The following ERN1 variants were observed in gnomAD, a reference collection of about 807,000 sequenced individuals.
ERN1 encodes the protein serine/threonine-protein kinase/endoribonuclease IRE1.
Under a neutral mutation model 113.1 loss-of-function variants are expected in ERN1, and 39 were observed. The observed-to-expected ratio is 0.34, with a 90% confidence interval of 0.27 to 0.45. The LOEUF (loss-of-function observed/expected upper bound fraction) is 0.45. ERN1 is among the 20% of genes least tolerant of loss of function. The pLI, the probability that ERN1 is intolerant of heterozygous loss-of-function variation, is 1.00. For synonymous variants in ERN1, 507 were observed against 515.9 expected (o/e 0.98, Z 0.23); for missense variants, 976 against 1,274.8 (o/e 0.77, Z 3.57).
At chr17:64,087,981 T>A (rs1913982830) in intron 2 of ERN1, among the ~76,000 whole-genome samples, 1 of 152,214 alleles carries the variant, frequency 6.6e-6, no homozygotes. Flanking sequence ...ATGTCTTTGA[T>A]GCAATCAACC....
rs1914280896 is a variant in ERN1, at chr17:64,098,195, A to G, written c.101T>C (p.Phe34Ser). ...STVTLPETLL[F>S]VSTLDGSLHA... ...CAAACTTCCATCCAGCGTTGACACA[A>G]ACAACAAGGTTTCAGGAAGCGTCAC... The change falls in exon 2 of 22, where the codon TTT (phenylalanine) becomes TCT (serine). Residue 34 changes from phenylalanine (F) to serine (S), a missense_variant. Phe to Ser is a radical substitution (Grantham distance 155). Transcript: ENST00000433197. 1.2e-6 allele frequency: 2 copies of G among 1,613,766 alleles called. No homozygotes were observed. The highest frequency in any genetic ancestry group is 3.3e-5 in the Admixed American group (2 of 59,998).
chr17:64,080,639 G>C, intron 3 of ERN1, 136 bp downstream of exon 3: 1 of 762,842 alleles, frequency 1.3e-6, no homozygotes, highest in Non-Finnish European at 2.1e-6. Flanking sequence ...CATAGCACCT[G>C]TAAGACTTTA....
chr17:64,095,169 T>G (rs962039133), intron 2 of ERN1, among the ~76,000 whole-genome samples: 15 of 152,198 alleles, frequency 9.9e-5, no homozygotes, highest in Admixed American at 1.3e-4. Flanking sequence ...CTGGGCACAG[T>G]GGCTCACATC....
intron 1 of ERN1, among the ~76,000 whole-genome samples, chr17:64,128,139 C>T (rs1055574458): frequency 2.0e-5 from 3 of 151,412 alleles, no homozygotes; most frequent in Non-Finnish European, 4.4e-5. Flanking sequence ...GGATTACAGG[C>T]CTGCGCTACC....
In ERN1 at chr17:64,045,353, G is replaced by A; in HGVS notation, c.2653+6C>T. 6.2e-7 allele frequency: 1 copy of A among 1,613,806 alleles called. No individual in the cohort carries two copies. The highest frequency in any genetic ancestry group is 1.1e-5 in the South Asian group (1 of 91,072). ...CCTGCCCTCTCACACGCTGCAGCAT[G>A]ATCACCTGTCTGGAGGGGGACAGTG... On this transcript the variant is annotated splice_donor_region_variant and intron_variant, in intron 20 of 21. Coordinates refer to ENST00000433197, the MANE Select transcript of ERN1 (RefSeq NM_001433.5).
At chr17:64,048,930 C>T in intron 18 of ERN1, 125 bp downstream of exon 18, 2 of 980,532 alleles carry the variant, frequency 2.0e-6, no homozygotes, top group Non-Finnish European at 2.8e-6. Flanking sequence ...GGTCCTGAGG[C>T]CTGCGGGGTG....
At chr17:64,127,533 C>G (rs1460820122) in intron 1 of ERN1, among the ~76,000 whole-genome samples, 2 of 152,046 alleles carry the variant, frequency 1.3e-5, no homozygotes, top group Non-Finnish European at 2.9e-5. Context: ...GTGGGTGGAT[C>G]ACTTGAGGTC....
At chr17:64,065,557 A>G (rs1239692018) in intron 8 of ERN1, among the ~76,000 whole-genome samples, 1 of 152,150 alleles carries the variant, frequency 6.6e-6, no homozygotes, top group Non-Finnish European at 1.5e-5. Context: ...GACGATGCCC[A>G]TGATGCCTGC....
chr17:64,046,802 A>G (rs1011960288), intron 19 of ERN1, among the ~76,000 whole-genome samples: 5 of 152,240 alleles, frequency 3.3e-5, no homozygotes, highest in Non-Finnish European at 7.3e-5. Context: ...CCCAAGGGGA[A>G]AAGCACTGCC....
intron 5 of ERN1, 118 bp downstream of exon 5, chr17:64,075,057 C>T (rs953136044): frequency 2.0e-5 from 17 of 854,546 alleles, no homozygotes; most frequent in Non-Finnish European, 2.9e-5. Flanking sequence ...TGAAGCACAA[C>T]CCAGGAAAGA....
Position 64,052,988 on chromosome 17 carries a change from G to T in ERN1, c.2054-9C>A, listed in dbSNP as rs777834321. On this transcript the variant is annotated splice_polypyrimidine_tract_variant and intron_variant, in intron 16 of 21. Transcript: ENST00000433197. ...CTTTAGGTCTCTGTGAACTAACAGA[G>T]AACTCCAGATTAGTCCAATGCTTAC... 1.9e-6 allele frequency: 3 copies of T among 1,601,756 alleles called. No individual in the cohort carries two copies. The highest frequency in any genetic ancestry group is 1.7e-4 in the Middle Eastern group (1 of 5,944).
At chr17:64,098,311 C>A (rs1440116931) in intron 1 of ERN1, 70 bp from the exon 2 acceptor site, 2 of 1,563,112 alleles carry the variant, frequency 1.3e-6, no homozygotes, top group African/African-American at 2.7e-5. Context: ...AATCACAGAC[C>A]CCCCACTCCC....
rs1016556056 is a variant in ERN1 at position 64,105,903 on chromosome 17, C to T, written c.55-7662G>A. ...CTGGGAGGCGGAGGTTGCAGTGAGC[C>T]GAGATGGTGCCGTTGCACTCCAGTC... On this transcript the variant is annotated intron_variant, in intron 1 of 21. Transcript: ENST00000433197. Among the ~76,000 whole-genome samples, 129 of 151,000 alleles carry T rather than the reference C, an allele frequency of 8.5e-4. 2 individuals carry two copies. The highest frequency in any genetic ancestry group is 3.4e-3 in the Middle Eastern group (1 of 294).
At chr17:64,084,286 C>T (rs1165824515) in intron 2 of ERN1, among the ~76,000 whole-genome samples, 2 of 152,202 alleles carry the variant, frequency 1.3e-5, no homozygotes, top group African/African-American at 4.8e-5. Flanking sequence ...TTCTCCCTAA[C>T]ACATGCTATC....
Position 64,057,667 on chromosome 17 carries a change from C to T in ERN1, c.1398+135G>A, listed in dbSNP as rs890320459. Reference sequence around the variant, plus strand: ...ACAGGCGTGAGCCACTGTGCCCGCCCGGCCAACAAACACTGACTTTTAAAT... The same window carrying T: ...ACAGGCGTGAGCCACTGTGCCCGCCTGGCCAACAAACACTGACTTTTAAAT... On this transcript the variant is annotated intron_variant, in intron 12 of 21. Transcript: ENST00000433197. The T allele has an allele frequency of 9.1e-5, 81 of 893,130 alleles. No homozygotes were observed. In the South Asian group the frequency reaches 9.7e-4, roughly 11 times the overall value. 55.3% of individuals were successfully genotyped at this position (893,130 alleles called of 1,614,324 possible).
chr17:64,088,370 T>TCCCCAAA (rs1344751965), intron 2 of ERN1, among the ~76,000 whole-genome samples: 3 of 152,160 alleles, frequency 2.0e-5, no homozygotes, highest in Admixed American at 6.5e-5. Context: ...AGTTAGAAAG[T>TCCCCAAA]CCCCAAACCA....
chr17:64,110,919 CA>C (rs1914654546), intron 1 of ERN1, among the ~76,000 whole-genome samples: 1 of 152,130 alleles, frequency 6.6e-6, no homozygotes, highest in Non-Finnish European at 1.5e-5. Context: ...GAAAAAGGGG[CA>C]AAGCATGAGG....
chr17:64,116,654 AAC>A lies in ERN1; in HGVS notation c.54+13320_54+13321del, dbSNP rs149334208. 1.7e-3 allele frequency among the ~76,000 whole-genome samples: 249 copies of A among 149,660 alleles called. 1 individual carries two copies. Among genetic ancestry groups the A allele is most frequent in the African/African-American group, 4.2e-3 (169 of 40,578 alleles). ...ATCTTATTTAATGTAAAAAAAAAAT[AAC>A]ACACACACACACACACACAAACACA... On this transcript the variant is annotated intron_variant, in intron 1 of 21. Coordinates refer to ENST00000433197, the MANE Select transcript of ERN1 (RefSeq NM_001433.5).
intron 19 of ERN1, among the ~76,000 whole-genome samples, chr17:64,046,520 C>T (rs1289256055): frequency 6.6e-6 from 1 of 152,228 alleles, no homozygotes; most frequent in Non-Finnish European, 1.5e-5. Context: ...AGAATTTTCA[C>T]ATTATGTCCA....
Sources: allele counts gnomAD v4.1 joint callset (sites outside exome capture counted in the v4.1 genomes callset), GRCh38; gene constraint gnomAD v4.1.1; transcripts MANE v1.5; gene names NCBI Gene and HGNC (gene_info 2026-07-23, HGNC 2026-07-21).